MYO9B: variants seen among roughly 807,000 people sequenced by gnomAD.
The protein encoded by MYO9B is myosin IXB.
MYO9B carries 71 observed loss-of-function variants against 229.5 expected under a neutral mutation model. That is an observed-to-expected ratio of 0.31 (90% confidence interval 0.26 to 0.38). The LOEUF is 0.38. Ranked by LOEUF, MYO9B falls within the 10% of genes least tolerant of loss-of-function variation. The pLI is 1.00. For missense variants in MYO9B, 2,255 were observed against 2,920.5 expected, an observed-to-expected ratio of 0.77 and a Z score of 5.25; for synonymous variants, 1,185 against 1,235.8, an observed-to-expected ratio of 0.96 and a Z score of 0.86.
At chr19:17,119,161 C>T (rs969022264) in intron 2 of MYO9B, among the ~76,000 whole-genome samples, 3 of 152,238 alleles carry the variant, frequency 2.0e-5, no homozygotes, top group African/African-American at 7.2e-5. Context: ...TCTCACGCCC[C>T]AGGGCCTTTG....
chr19:17,119,631 TTTTGTTTG>T (rs544645191), intron 2 of MYO9B, among the ~76,000 whole-genome samples: 10 of 146,842 alleles, frequency 6.8e-5, no homozygotes, highest in African/African-American at 2.4e-4. Context: ...CTCAGGAGTT[TTTTGTTTG>T]TTTGTTTGTT....
chr19:17,165,664 A>G (rs1038938451), intron 10 of MYO9B, among the ~76,000 whole-genome samples: 3 of 152,110 alleles, frequency 2.0e-5, no homozygotes, highest in Non-Finnish European at 4.4e-5. Context: ...AGTCCTAGCT[A>G]CTGGGGAGGT....
At chr19:17,118,868 T>G (rs2057934131) in intron 2 of MYO9B, among the ~76,000 whole-genome samples, 1 of 152,050 alleles carries the variant, frequency 6.6e-6, no homozygotes, top group Non-Finnish European at 1.5e-5. Context: ...TAATTGTTAA[T>G]AAGATTGTCC....
At chr19:17,189,741 C>T (rs953366759) in intron 19 of MYO9B, among the ~76,000 whole-genome samples, 2 of 152,074 alleles carry the variant, frequency 1.3e-5, no homozygotes, top group African/African-American at 4.8e-5. Context: ...AGATCTAGGA[C>T]CTTGTATCTG....
chr19:17,145,342 A>T (rs1477044875), intron 2 of MYO9B, 55 bp from the exon 3 acceptor site: 1 of 1,482,002 alleles, frequency 6.7e-7, no homozygotes, highest in Non-Finnish European at 9.4e-7. Context: ...GAGGAAAAAA[A>T]AGAAAAAGAA....
chr19:17,178,975 G>A (rs996977026), intron 14 of MYO9B, among the ~76,000 whole-genome samples: 4 of 144,840 alleles, frequency 2.8e-5, no homozygotes, highest in African/African-American at 1.0e-4. Context: ...GGTTTGCAGT[G>A]AGCCGAGATC....
rs2073067926 is a variant in MYO9B at position 17,198,195 on chromosome 19, A to G, written c.4125A>G (p.Glu1375=). The G allele has an allele frequency of 6.2e-6, 10 of 1,613,844 alleles. No homozygotes were observed. Among genetic ancestry groups the G allele is most frequent in the Non-Finnish European group, 8.5e-6 (10 of 1,179,876 alleles). The change falls in exon 24 of 40, where the codon GAA becomes GAG. Residue 1375 remains glutamate (E), a synonymous_variant. Coordinates refer to ENST00000682292, the MANE Select transcript of MYO9B (RefSeq NM_004145.4). ...GCACCGTCTTGCAGCCTGCAGCAGA[A>G]ACCACGGACGGAGAGCGAAGTGCGA... The part of the protein sequence containing the change: ...PSLAKAQPAA[E]TTDGERSAKK...
intron 1 of MYO9B, among the ~76,000 whole-genome samples, chr19:17,098,919 G>C (rs2057717413): frequency 7.2e-6 from 1 of 139,732 alleles, no homozygotes; most frequent in Admixed American, 7.8e-5. Context: ...CTGGGAAGTA[G>C]AGCAAGACCC....
In MYO9B at chr19:17,162,479, A is replaced by G; in HGVS notation, c.1536+13A>G. ...AGAGGCAGTCTCGGTGAGTGCCCCC[A>G]TTTGCTTCCTCAAGCCCGGCCAGGG... On this transcript the variant is annotated intron_variant, in intron 9 of 39. Transcript: ENST00000682292. 1 of 1,549,724 alleles carries G rather than the reference A, an allele frequency of 6.5e-7. No individual in the cohort carries two copies. The highest frequency in any genetic ancestry group is 1.4e-5 in the African/African-American group (1 of 72,940).
At chr19:17,078,739 CG>C (rs1159395432) in intron 1 of MYO9B, among the ~76,000 whole-genome samples, 1 of 152,122 alleles carries the variant, frequency 6.6e-6, no homozygotes, top group Non-Finnish European at 1.5e-5. Context: ...TAAACCACTC[CG>C]GGTGGAAGGG....
intron 19 of MYO9B, among the ~76,000 whole-genome samples, chr19:17,188,975 C>G (rs1488440175): frequency 6.8e-6 from 1 of 147,474 alleles, no homozygotes; most frequent in Non-Finnish European, 1.5e-5. Context: ...TGGTGAAACC[C>G]CGTCTCTACT....
At chr19:17,096,235 G>A (rs1346677191) in intron 1 of MYO9B, among the ~76,000 whole-genome samples, 1 of 152,190 alleles carries the variant, frequency 6.6e-6, no homozygotes, top group Non-Finnish European at 1.5e-5. Flanking sequence ...TGGGTTCTCA[G>A]TTTGGGACTC....
In MYO9B at chr19:17,102,223, G is replaced by T; in HGVS notation, c.506G>T (p.Arg169Leu). 6.3e-7 allele frequency: 1 copy of T among 1,597,892 alleles called. No homozygotes were observed. The highest frequency in any genetic ancestry group is 2.3e-5 in the East Asian group (1 of 44,234). The change falls in exon 2 of 40, where the codon CGC becomes CTC. Residue 169 changes from arginine to leucine, a missense_variant. By Grantham distance (102) the Arg-to-Leu change is moderately radical. Around this residue, in one of 7 missense-constraint regions of MYO9B, gnomAD observed 386 missense variants for 515.2 expected, o/e 0.75. Transcript: ENST00000682292. Reference sequence around the variant, plus strand: ...AACCTCCTGAAGAACCTCAAGCACCGCTTCCTGCAACAAAAGATCTACACG... The same window carrying T: ...AACCTCCTGAAGAACCTCAAGCACCTCTTCCTGCAACAAAAGATCTACACG... ...EGNLLKNLKH[R>L]FLQQKIYTYA...
intron 19 of MYO9B, among the ~76,000 whole-genome samples, chr19:17,189,438 T>G (rs1418843918): frequency 3.4e-5 from 5 of 147,186 alleles, no homozygotes; most frequent in Admixed American, 2.1e-4. Context: ...GAGCTTAAAA[T>G]CAGTCTAGGC....
chr19:17,161,878 C>T (rs954123573), intron 8 of MYO9B, among the ~76,000 whole-genome samples: 23 of 151,148 alleles, frequency 1.5e-4, no homozygotes, highest in African/African-American at 5.6e-4. Flanking sequence ...GCCCCAGCTA[C>T]ACAGGAGGCT....
intron 35 of MYO9B, chr19:17,208,024 A>AC (rs2073182486): frequency 7.0e-6 from 1 of 143,012 alleles, no homozygotes; most frequent in African/African-American, 2.7e-5. Flanking sequence ...AAAAAAAAAC[A>AC]AAATACAAAA....
At chr19:17,078,638 C>G (rs1442742720) in intron 1 of MYO9B, among the ~76,000 whole-genome samples, 1 of 152,166 alleles carries the variant, frequency 6.6e-6, no homozygotes, top group Non-Finnish European at 1.5e-5. Flanking sequence ...TTAGGGACAA[C>G]CAATGCAAGC....
At chr19:17,145,558 CAT>C (rs1176500764) in intron 3 of MYO9B, 67 bp downstream of exon 3, 125 of 1,308,928 alleles carry the variant, frequency 9.5e-5, no homozygotes, top group Middle Eastern at 7.3e-4. Flanking sequence ...CTGACACACA[CAT>C]GGGAGTGAGA....
intron 2 of MYO9B, among the ~76,000 whole-genome samples, chr19:17,124,031 A>C (rs1442682454): frequency 6.6e-6 from 1 of 151,732 alleles, no homozygotes; most frequent in Non-Finnish European, 1.5e-5. Flanking sequence ...GATTACAGGC[A>C]CTTACCACCA....
Sources: gnomAD v4.1 joint callset for allele counts (sites outside exome capture counted in the v4.1 genomes callset) on GRCh38, gnomAD v4.1.1 for gene constraint, gnomAD v4.1.1 regional missense constraint, MANE v1.5 for transcripts, NCBI Gene and HGNC (gene_info 2026-07-23, HGNC 2026-07-21) for gene names.